Variants in DCDC1 observed in about 807,000 individuals in gnomAD.
DCDC1 encodes doublecortin domain-containing protein 1.
DCDC1 carries 200 observed loss-of-function variants against 178.3 expected under a neutral mutation model. The observed-to-expected ratio is 1.12, with a 90% CI of 1.00 to 1.26. The LOEUF (loss-of-function observed/expected upper bound fraction) is 1.26, where lower values mean the gene tolerates loss of function less well. DCDC1 is among the 50% of genes most tolerant of loss of function. The pLI is 0.00. For synonymous variants in DCDC1, 690 were observed against 604.8 expected (o/e 1.14, Z -2.07); for missense variants, 1,983 against 1,749.2 (o/e 1.13, Z -2.38).
intron 36 of DCDC1, chr11:30,882,401 G>A (rs1052472826): frequency 2.9e-4 from 44 of 152,040 alleles, no homozygotes; most frequent in African/African-American, 1.1e-3. Flanking sequence ...TAGTCAGAGA[G>A]GACCAACAGG....
intron 27 of DCDC1, among the ~76,000 whole-genome samples, chr11:30,913,504 C>T (rs1337649477): frequency 6.6e-6 from 1 of 152,178 alleles, no homozygotes; most frequent in Non-Finnish European, 1.5e-5. Context: ...CACTGGGCCC[C>T]CTGATGCTCC....
At chr11:31,086,533 T>C (rs1202317614) in intron 17 of DCDC1, among the ~76,000 whole-genome samples, 1 of 152,228 alleles carries the variant, frequency 6.6e-6, no homozygotes, top group Non-Finnish European at 1.5e-5. Flanking sequence ...TTTCAGAGAA[T>C]AGAAATGTTT....
At chr11:31,307,387 G>A (rs1948526873) in intron 4 of DCDC1, 2 of 481,860 alleles carry the variant, frequency 4.2e-6, no homozygotes, top group African/African-American at 1.9e-5. Context: ...CATGATCCTA[G>A]CCTGATTCTG....
intron 10 of DCDC1, among the ~76,000 whole-genome samples, chr11:31,130,348 G>C (rs1474948161): frequency 6.6e-6 from 1 of 152,046 alleles, no homozygotes; most frequent in Non-Finnish European, 1.5e-5. Flanking sequence ...GATTTGCTTT[G>C]GCCAGTGAAA....
chr11:31,297,347 C>T (rs1947763825), intron 6 of DCDC1, among the ~76,000 whole-genome samples: 1 of 146,794 alleles, frequency 6.8e-6, no homozygotes, highest in Non-Finnish European at 1.5e-5. Flanking sequence ...TCTAGGAAAA[C>T]ATACTAGCCA....
At chr11:31,248,243 C>T (rs1350390821) in intron 8 of DCDC1, among the ~76,000 whole-genome samples, 1 of 151,902 alleles carries the variant, frequency 6.6e-6, no homozygotes, top group East Asian at 1.9e-4. Context: ...ATATTACTAT[C>T]CCAAAAAGTT....
intron 9 of DCDC1, among the ~76,000 whole-genome samples, chr11:31,203,810 C>T (rs986423567): frequency 3.9e-5 from 6 of 152,094 alleles, no homozygotes; most frequent in Admixed American, 6.6e-5. Flanking sequence ...GACAAGATAT[C>T]ACTATCACTG....
chr11:31,341,899 G>A (rs1950571141), intron 1 of DCDC1, among the ~76,000 whole-genome samples: 1 of 150,788 alleles, frequency 6.6e-6, no homozygotes, highest in African/African-American at 2.5e-5. Context: ...CTCTTTCAAA[G>A]ACCATGTTGC....
chr11:31,102,188 GA>G lies in DCDC1; in HGVS notation c.1971del (p.Leu658TyrfsTer5). The G allele has an allele frequency of 1.4e-6, 1 of 718,682 alleles. No individual in the cohort carries two copies. The highest frequency in any genetic ancestry group is 2.3e-4 in the Middle Eastern group (1 of 4,308). The allele number at this position is 718,682 out of a possible 1,614,324, so 44.5% of individuals were successfully genotyped here. A position where few individuals can be genotyped will look rare whatever the true frequency, so the allele number is the denominator to read the frequency against. ...AACTAAAATCCCACCTTGTTCTGTA[GA>G]AAATGGTTCTCCAAGTCCACCTTTT... Reference protein sequence around the residue: ...QFEKVDLENHFLQNKVDPNIV... With the variant: ...QFEKVDLENHXLQNKVDPNIV... On this transcript the variant is annotated frameshift_variant, in exon 15 of 39. Coordinates refer to ENST00000684477, the MANE Select transcript of DCDC1 (RefSeq NM_001387274.1). LOFTEE classifies it high-confidence loss of function.
Position 31,168,251 on chromosome 11 carries a change from A to T in DCDC1, c.1222-30467T>A, listed in dbSNP as rs1322300599. Among the ~76,000 whole-genome samples the T allele has an allele frequency of 2.6e-5, 4 of 152,148 alleles. No individual in the cohort carries two copies. The East Asian group carries it at 5.8e-4, about 22-fold the overall frequency. ...GATCACACAATTAGCACCTCACTAT[A>T]TGTTGTCAAGCTGTTCAACTGTAAA... On this transcript the variant is annotated intron_variant, in intron 9 of 38. Coordinates refer to ENST00000684477, the MANE Select transcript of DCDC1 (RefSeq NM_001387274.1).
intron 9 of DCDC1, among the ~76,000 whole-genome samples, chr11:31,207,106 T>A (rs935832659): frequency 1.3e-5 from 2 of 152,188 alleles, no homozygotes; most frequent in African/African-American, 4.8e-5. Context: ...CTTCGGAAAT[T>A]ACTTAACCCT....
intron 21 of DCDC1, among the ~76,000 whole-genome samples, chr11:30,945,019 A>T (rs1254354478): frequency 8.8e-6 from 1 of 113,844 alleles, no homozygotes; most frequent in African/African-American, 3.4e-5. Context: ...CCCAGGTTGG[A>T]GTGCAGTGGC....
At chr11:30,944,289 T>C (rs758424909) in intron 21 of DCDC1, 5 of 456,420 alleles carry the variant, frequency 1.1e-5, no homozygotes, top group Non-Finnish European at 2.2e-5. Flanking sequence ...ATCTGTAAGC[T>C]TCATGAACTT....
At chr11:31,143,545 T>C (rs1195668312) in intron 9 of DCDC1, among the ~76,000 whole-genome samples, 1 of 152,138 alleles carries the variant, frequency 6.6e-6, no homozygotes, top group Non-Finnish European at 1.5e-5. Flanking sequence ...TAAATATAAG[T>C]GGAGCATATG....
intron 9 of DCDC1, among the ~76,000 whole-genome samples, chr11:31,139,684 G>A (rs1460129867): frequency 2.6e-5 from 4 of 152,102 alleles, no homozygotes; most frequent in Non-Finnish European, 5.9e-5. Flanking sequence ...TCAGGGCCAT[G>A]ACATTTAGAA....
rs56349731 is a variant in DCDC1 at position 31,309,142 on chromosome 11, T to TTG, written c.165-1236_165-1235dup. Among the ~76,000 whole-genome samples, 524 of 148,010 alleles carry TTG rather than the reference T, an allele frequency of 3.5e-3. 4 individuals are homozygous for TTG. Among genetic ancestry groups the TTG allele is most frequent in the African/African-American group, 9.4e-3 (372 of 39,534 alleles). On this transcript the variant is annotated intron_variant, in intron 3 of 38. Coordinates refer to ENST00000684477, the MANE Select transcript of DCDC1 (RefSeq NM_001387274.1). ...CACACATCAGAGGGAAAATAGATGT[T>TTG]TGTGTGTGTGTGTGTGTGTGTGTGT... is the stretch of plus-strand genomic sequence containing the variant.
At position 31,230,370 on chromosome 11, in the gene DCDC1, G is replaced by GA. The variant is rs1437073880; in HGVS notation, c.1221+11079dup. On this transcript the variant is annotated intron_variant, in intron 9 of 38. Transcript: ENST00000684477. ...ATTAAGGGCCAAAAAGAAAAAAATAGAAAAAAAAAGAAAAAATATATTAAG... is the reference window on the plus strand; with the variant it reads ...ATTAAGGGCCAAAAAGAAAAAAATAGAAAAAAAAAAGAAAAAATATATTAAG... 1.5e-4 allele frequency among the ~76,000 whole-genome samples: 23 copies of GA among 149,432 alleles called. No individual in the cohort carries two copies. In the East Asian group the frequency reaches 2.2e-3, roughly 14 times the overall value.
At position 30,865,079 on chromosome 11, in the gene DCDC1, G is replaced by A. The variant is rs964246569; in HGVS notation, c.*294C>T. On this transcript the variant is annotated 3_prime_UTR_variant, in exon 39 of 39. Coordinates refer to ENST00000684477, the MANE Select transcript of DCDC1 (RefSeq NM_001387274.1). Reference sequence around the variant, plus strand: ...TTCTGAGAGGCCTGGCCAAGGCAAAGAGAAAAGATGCCCAGAGCAGTCTGT... The same window carrying A: ...TTCTGAGAGGCCTGGCCAAGGCAAAAAGAAAAGATGCCCAGAGCAGTCTGT... The A allele has an allele frequency of 2.0e-5, 3 of 152,194 alleles. No individual in the cohort carries two copies. Among genetic ancestry groups the A allele is most frequent in the African/African-American group, 7.2e-5 (3 of 41,446 alleles). 9.4% of individuals were successfully genotyped at this position (152,194 alleles called of 1,614,324 possible).
intron 20 of DCDC1, among the ~76,000 whole-genome samples, chr11:31,022,282 T>A (rs1952923931): frequency 6.6e-6 from 1 of 152,158 alleles, no homozygotes; most frequent in South Asian, 2.1e-4. Flanking sequence ...GTTTATTGAC[T>A]TACAAGCTGC....
Sources: gnomAD v4.1 joint callset for allele counts (sites outside exome capture counted in the v4.1 genomes callset) on GRCh38, gnomAD v4.1.1 for gene constraint, MANE v1.5 for transcripts, NCBI Gene and HGNC (gene_info 2026-07-23, HGNC 2026-07-21) for gene names.